WIPF1: variants seen among roughly 807,000 people sequenced by gnomAD.
WIPF1 encodes the protein WAS/WASL interacting protein family member 1.
A neutral mutation model predicts 35.4 loss-of-function variants in WIPF1; 13 were observed. That is an observed-to-expected ratio of 0.37 (90% CI 0.24 to 0.58). The LOEUF is 0.58. WIPF1 is among the 20% of genes least tolerant of loss of function. WIPF1 has a pLI of 0.74. For missense variants in WIPF1, 591 were observed against 667.0 expected (o/e 0.89, Z 1.25); for synonymous variants, 267 against 266.3 (o/e 1.00, Z -0.02).
chr2:174,610,971 G>T (rs902770620), intron 1 of WIPF1, among the ~76,000 whole-genome samples: 5 of 152,182 alleles, frequency 3.3e-5, no homozygotes, highest in Non-Finnish European at 7.3e-5. Context: ...TCTAGAAATA[G>T]AAGTGTTTTA....
intron 1 of WIPF1, among the ~76,000 whole-genome samples, chr2:174,632,353 T>C (rs1687048423): frequency 1.3e-5 from 2 of 151,868 alleles, no homozygotes; most frequent in South Asian, 4.1e-4. Flanking sequence ...GGCTGAGAAA[T>C]AGGAGAGAAT....
intron 1 of WIPF1, among the ~76,000 whole-genome samples, chr2:174,591,304 C>A (rs1034409846): frequency 4.6e-5 from 7 of 152,164 alleles, no homozygotes; most frequent in African/African-American, 1.7e-4. Flanking sequence ...GCAGTCCTAG[C>A]AAATTAATAC....
chr2:174,600,665 T>C (rs1200227184), upstream of WIPF1, among the ~76,000 whole-genome samples: 2 of 152,204 alleles, frequency 1.3e-5, no homozygotes, highest in Non-Finnish European at 2.9e-5. Context: ...CTTTTATGCA[T>C]AGCATGCGTC....
chr2:174,628,133 G>C (rs1686905864), intron 1 of WIPF1, among the ~76,000 whole-genome samples: 2 of 152,068 alleles, frequency 1.3e-5, no homozygotes, highest in African/African-American at 4.8e-5. Context: ...AGAGGCTGCT[G>C]GGCACCCCGG....
At chr2:174,668,034 T>C (rs1417708260) in intron 1 of WIPF1, among the ~76,000 whole-genome samples, 1 of 152,114 alleles carries the variant, frequency 6.6e-6, no homozygotes, top group Non-Finnish European at 1.5e-5. Flanking sequence ...CTAAGCACCC[T>C]CCCCAGCCCT....
At chr2:174,659,526 T>C (rs930283557) in intron 1 of WIPF1, among the ~76,000 whole-genome samples, 2 of 152,150 alleles carry the variant, frequency 1.3e-5, no homozygotes, top group South Asian at 2.1e-4. Context: ...AACTCCAAGT[T>C]CCATGTTGGT....
intron 1 of WIPF1, among the ~76,000 whole-genome samples, chr2:174,639,901 G>A (rs1168637251): frequency 6.6e-6 from 1 of 152,104 alleles, no homozygotes; most frequent in Non-Finnish European, 1.5e-5. Context: ...GAAAGGTAGG[G>A]ATCTAGTTTC....
intron 1 of WIPF1, among the ~76,000 whole-genome samples, chr2:174,635,002 C>T (rs988436693): frequency 1.3e-5 from 2 of 152,132 alleles, no homozygotes; most frequent in South Asian, 2.1e-4. Flanking sequence ...GAAGGGCCCT[C>T]GACAGTGCTG....
chr2:174,635,059 G>C (rs536817497), intron 1 of WIPF1, among the ~76,000 whole-genome samples: 2 of 152,256 alleles, frequency 1.3e-5, no homozygotes, highest in Non-Finnish European at 1.5e-5. Context: ...CCAACATCAA[G>C]GGAACACACT....
At chr2:174,572,937 A>G (rs1684922226) in intron 4 of WIPF1, among the ~76,000 whole-genome samples, 1 of 152,220 alleles carries the variant, frequency 6.6e-6, no homozygotes, top group Non-Finnish European at 1.5e-5. Context: ...TCTAGTCCCT[A>G]TGAAGAGAAA....
In WIPF1 at chr2:174,595,088, C is replaced by CAAAAAAA. The variant is rs57521272; in HGVS notation, c.-39+2506_-39+2512dup. ...AAACATAGTGGGACCCTCATCTCTA[C>CAAAAAAA]AAAAAAAAAAAAAAAAAAAAAATAT... On this transcript the variant is annotated intron_variant, in intron 1 of 7. Transcript: ENST00000679041. Among the ~76,000 whole-genome samples the CAAAAAAA allele has an allele frequency of 5.1e-3, 26 of 5,062 alleles. 6 individuals are homozygous for CAAAAAAA. Among genetic ancestry groups the CAAAAAAA allele is most frequent in the Non-Finnish European group, 7.0e-3 (17 of 2,434 alleles). The allele number at this position is 5,062 out of a possible 152,430, so 3.3% of individuals were successfully genotyped here.
intron 1 of WIPF1, among the ~76,000 whole-genome samples, chr2:174,617,855 T>C (rs1686559530): frequency 6.6e-6 from 1 of 152,280 alleles, no homozygotes; most frequent in South Asian, 2.1e-4. Context: ...TATCAGAAAG[T>C]AGACAAACTG....
intron 5 of WIPF1, among the ~76,000 whole-genome samples, chr2:174,569,819 C>A (rs1455481436): frequency 2.0e-5 from 3 of 152,196 alleles, no homozygotes; most frequent in Non-Finnish European, 4.4e-5. Context: ...GAGCCAGGAT[C>A]TGACTCCAAA....
chr2:174,637,730 T>G (rs916891763), intron 1 of WIPF1, among the ~76,000 whole-genome samples: 3 of 152,118 alleles, frequency 2.0e-5, no homozygotes, highest in African/African-American at 7.2e-5. Flanking sequence ...GAGCTTGCAG[T>G]GAGTCGAGAT....
chr2:174,667,496 C>G (rs929427088), intron 1 of WIPF1, among the ~76,000 whole-genome samples: 2 of 152,174 alleles, frequency 1.3e-5, no homozygotes, highest in African/African-American at 4.8e-5. Flanking sequence ...AGGTTTCTGT[C>G]TCTATCTGAT....
intron 1 of WIPF1, among the ~76,000 whole-genome samples, chr2:174,612,693 A>T (rs1686388271): frequency 6.6e-6 from 1 of 152,156 alleles, no homozygotes; most frequent in Non-Finnish European, 1.5e-5. Flanking sequence ...ATGACGTTTC[A>T]AAATCTTTGC....
chr2:174,565,361 A>G (rs1284499764), intron 7 of WIPF1, among the ~76,000 whole-genome samples: 2 of 152,226 alleles, frequency 1.3e-5, no homozygotes, highest in South Asian at 2.1e-4. Context: ...GCATTTGTCC[A>G]TGGAAATTTT....
rs369847745 is a variant in WIPF1, at chr2:174,578,464, T to C, written c.181+2846A>G. Among the ~76,000 whole-genome samples the C allele has an allele frequency of 3.9e-5, 6 of 152,346 alleles. No homozygotes were observed. The South Asian group carries it at 1.2e-3, about 32-fold the overall frequency. On this transcript the variant is annotated intron_variant, in intron 3 of 7. Coordinates refer to ENST00000679041, the MANE Select transcript of WIPF1 (RefSeq NM_001375834.1). ...CCAAAACTTTTTGGAGAGAAAGTAA[T>C]TTAATAAAGTTTTTATCTTTTCCCT...
intron 1 of WIPF1, among the ~76,000 whole-genome samples, chr2:174,613,037 T>C (rs1178667087): frequency 1.3e-5 from 2 of 152,234 alleles, no homozygotes; most frequent in Non-Finnish European, 2.9e-5. Context: ...AATGTTTCTA[T>C]CCCATGCTGG....
Sources: allele counts gnomAD v4.1 joint callset (sites outside exome capture counted in the v4.1 genomes callset), GRCh38; gene constraint gnomAD v4.1.1; transcripts MANE v1.5; gene names NCBI Gene and HGNC (gene_info 2026-07-23, HGNC 2026-07-21).